GRID2: variants seen among roughly 807,000 people sequenced by gnomAD.
GRID2 encodes glutamate receptor ionotropic, delta-2.
GRID2 carries 33 observed loss-of-function variants against 114.8 expected under a neutral mutation model. The observed-to-expected ratio is 0.29, with a 90% CI of 0.22 to 0.38. GRID2 has a LOEUF of 0.38. GRID2 is among the 10% of genes least tolerant of loss of function. The pLI, the probability that GRID2 is intolerant of heterozygous loss-of-function variation, is 1.00. For synonymous variants in GRID2, 505 were observed against 449.9 expected, an observed-to-expected ratio of 1.12 and a Z score of -1.55; for missense variants, 1,184 against 1,257.7, an observed-to-expected ratio of 0.94 and a Z score of 0.89.
At chr4:93,786,081 A>C (rs553927235) in intron 1 of GRID2, among the ~76,000 whole-genome samples, 1 of 152,370 alleles carries the variant, frequency 6.6e-6, no homozygotes, top group South Asian at 2.1e-4. Flanking sequence ...AAACTATAAC[A>C]GTGAATGGTC....
intron 2 of GRID2, among the ~76,000 whole-genome samples, chr4:92,907,867 A>G (rs1296189360): frequency 1.3e-5 from 2 of 152,056 alleles, no homozygotes; most frequent in Non-Finnish European, 2.9e-5. Context: ...CTACAAAAAC[A>G]CAAAAATTAG....
At chr4:93,296,632 A>G (rs1198156645) in intron 8 of GRID2, among the ~76,000 whole-genome samples, 3 of 152,160 alleles carry the variant, frequency 2.0e-5, no homozygotes, top group African/African-American at 7.2e-5. Context: ...AGTTTCATAT[A>G]TTTCACTCTC....
intron 4 of GRID2, among the ~76,000 whole-genome samples, chr4:93,122,194 A>C (rs1027080214): frequency 6.6e-6 from 1 of 152,164 alleles, no homozygotes; most frequent in African/African-American, 2.4e-5. Flanking sequence ...ATCTACATAC[A>C]AGGTTTTTCT....
At chr4:92,423,988 C>A (rs965958096) in intron 1 of GRID2, among the ~76,000 whole-genome samples, 2 of 152,076 alleles carry the variant, frequency 1.3e-5, no homozygotes, top group African/African-American at 4.8e-5. Context: ...GGCTTCTATG[C>A]TCTTCAAGTA....
chr4:92,381,098 ATTATT>A (rs1729600541), intron 1 of GRID2, among the ~76,000 whole-genome samples: 1 of 152,094 alleles, frequency 6.6e-6, no homozygotes, highest in Non-Finnish European at 1.5e-5. Context: ...GATACCATAC[ATTATT>A]TTAAGTGTTT....
chr4:92,917,848 C>G (rs1054881995), intron 2 of GRID2, among the ~76,000 whole-genome samples: 1 of 152,066 alleles, frequency 6.6e-6, no homozygotes, highest in Non-Finnish European at 1.5e-5. Flanking sequence ...TTTTTGGTTC[C>G]ATGTGAGCTT....
At chr4:92,752,277 T>C (rs910792608) in intron 2 of GRID2, among the ~76,000 whole-genome samples, 6 of 152,196 alleles carry the variant, frequency 3.9e-5, no homozygotes, top group Non-Finnish European at 7.3e-5. Context: ...CACTTTTCCA[T>C]AGTATTTCTT....
rs200820660 is a variant in GRID2 at position 92,416,756 on chromosome 4, G to A, written c.88+112012G>A. 2.6e-5 allele frequency among the ~76,000 whole-genome samples: 4 copies of A among 152,112 alleles called. No individual in the cohort carries two copies. The East Asian group carries it at 5.8e-4, about 22-fold the overall frequency. On this transcript the variant is annotated intron_variant, in intron 1 of 15. Coordinates refer to ENST00000282020, the MANE Select transcript of GRID2 (RefSeq NM_001510.4). ...TCTGCGTTCTCCATTCTGTTCCATT[G>A]GTCTAGGTGCCTATTTTTATACCAG... is the stretch of plus-strand genomic sequence containing the variant.
chr4:93,326,661 A>T (rs751109589), intron 8 of GRID2, among the ~76,000 whole-genome samples: 1 of 151,066 alleles, frequency 6.6e-6, no homozygotes, highest in African/African-American at 2.4e-5. Flanking sequence ...CCGCCACTTT[A>T]TCTATTGTTT....
At chr4:93,020,336 T>A (rs919341199) in intron 2 of GRID2, among the ~76,000 whole-genome samples, 7 of 152,176 alleles carry the variant, frequency 4.6e-5, no homozygotes, top group Non-Finnish European at 8.8e-5. Context: ...TTTATTTTAA[T>A]ATTTTTAGCT....
intron 11 of GRID2, among the ~76,000 whole-genome samples, chr4:93,472,656 A>C (rs558070879): frequency 6.6e-6 from 1 of 152,326 alleles, no homozygotes; most frequent in Admixed American, 6.5e-5. Flanking sequence ...CAAAGGTTGG[A>C]GATAAGACTA....
chr4:93,732,843 C>T (rs908512672), intron 14 of GRID2, among the ~76,000 whole-genome samples: 1 of 151,836 alleles, frequency 6.6e-6, no homozygotes, highest in Non-Finnish European at 1.5e-5. Context: ...TACCTTCTCT[C>T]CATAATAATT....
chr4:93,273,174 A>T (rs958876117), intron 8 of GRID2, among the ~76,000 whole-genome samples: 1 of 152,196 alleles, frequency 6.6e-6, no homozygotes, highest in Non-Finnish European at 1.5e-5. Context: ...AGAAGGCAGG[A>T]TCTTTCTCTA....
rs34268472 is a variant in GRID2, at chr4:92,611,018, CTGTG to C, written c.244+20754_244+20757del. 5.2e-3 allele frequency among the ~76,000 whole-genome samples: 756 copies of C among 146,694 alleles called. 9 individuals carry two copies. The highest frequency in any genetic ancestry group is 0.017 in the African/African-American group (697 of 40,078). ...CTGTAATGAATATTTATTGAATAGTCTGTGTGTGTGTGTGTGTGTGTGTGTAGCT... is the reference window on the plus strand; with the variant it reads ...CTGTAATGAATATTTATTGAATAGTCTGTGTGTGTGTGTGTGTGTGTAGCT... On this transcript the variant is annotated intron_variant, in intron 2 of 15. Coordinates refer to ENST00000282020, the MANE Select transcript of GRID2 (RefSeq NM_001510.4).
chr4:92,522,146 C>T (rs545787071), intron 1 of GRID2, among the ~76,000 whole-genome samples: 36 of 151,708 alleles, frequency 2.4e-4, no homozygotes, highest in Admixed American at 3.3e-4. Flanking sequence ...GATATATGAG[C>T]GAATTCCTGA....
intron 2 of GRID2, among the ~76,000 whole-genome samples, chr4:93,055,755 A>G (rs1461308582): frequency 6.6e-6 from 1 of 151,964 alleles, no homozygotes; most frequent in African/African-American, 2.4e-5. Context: ...CAAAAAGCAT[A>G]AAGTGTGTTC....
chr4:93,721,184 A>G (rs947317996), intron 14 of GRID2, among the ~76,000 whole-genome samples: 8 of 152,166 alleles, frequency 5.3e-5, no homozygotes, highest in Non-Finnish European at 1.0e-4. Flanking sequence ...TTCTCAATAA[A>G]TTTTTAGGTT....
At chr4:93,149,180 A>G (rs1736513723) in intron 4 of GRID2, among the ~76,000 whole-genome samples, 1 of 152,168 alleles carries the variant, frequency 6.6e-6, no homozygotes, top group African/African-American at 2.4e-5. Context: ...TTCTGGATCA[A>G]CAATGCATAT....
chr4:92,729,414 A>C (rs1008526648), intron 2 of GRID2, among the ~76,000 whole-genome samples: 1 of 151,844 alleles, frequency 6.6e-6, no homozygotes, highest in African/African-American at 2.4e-5. Flanking sequence ...TATGTTCACC[A>C]CCCTTACTTT....
Sources: allele counts gnomAD v4.1 joint callset (sites outside exome capture counted in the v4.1 genomes callset), GRCh38; gene constraint gnomAD v4.1.1; transcripts MANE v1.5; gene names NCBI Gene and HGNC (gene_info 2026-07-23, HGNC 2026-07-21).